The following GRB10 variants were observed in gnomAD, a reference collection of about 807,000 sequenced individuals.
GRB10 encodes the protein growth factor receptor-bound protein 10.
A neutral mutation model predicts 80.9 loss-of-function variants in GRB10; 20 were observed. The observed-to-expected ratio is 0.25, with a 90% CI of 0.17 to 0.36. The LOEUF (loss-of-function observed/expected upper bound fraction) is 0.36. Ranked by LOEUF, GRB10 falls within the 10% of genes least tolerant of loss-of-function variation. The probability of loss-of-function intolerance (pLI) is 1.00; values close to 1 mark genes in which losing one functional copy is unlikely to be tolerated. For missense variants in GRB10, 548 were observed against 747.7 expected (o/e 0.73, Z 3.12); for synonymous variants, 291 against 291.5 (o/e 1.00, Z 0.02).
At position 50,615,455 on chromosome 7, in the gene GRB10, C is replaced by T. The variant is rs559554992; in HGVS notation, c.985-575G>A. On this transcript the variant is annotated intron_variant, in intron 11 of 18. Coordinates refer to ENST00000401949, the MANE Select transcript of GRB10 (RefSeq NM_001350814.2). ...TCAGTTCAAAGCCCCTCTCTGCAGA[C>T]GCCCCTTCTCTCTGGCCCAGGTGTC... 1.4e-4 allele frequency among the ~76,000 whole-genome samples: 22 copies of T among 152,342 alleles called. No individual in the cohort carries two copies. The South Asian group carries it at 3.1e-3, about 22-fold the overall frequency.
intron 4 of GRB10, among the ~76,000 whole-genome samples, chr7:50,731,335 AT>A (rs2069687397): frequency 6.6e-6 from 1 of 151,988 alleles, no homozygotes; most frequent in Admixed American, 6.6e-5. Context: ...GTTCAAAGGC[AT>A]CTTTTTGCAG....
chr7:50,673,805 C>G (rs2237472), intron 6 of GRB10, among the ~76,000 whole-genome samples: 4 of 152,026 alleles, frequency 2.6e-5, no homozygotes, highest in Admixed American at 2.0e-4. Flanking sequence ...GCTTCAGCAC[C>G]GGCCCCCATC....
intron 8 of GRB10, among the ~76,000 whole-genome samples, chr7:50,621,284 G>C (rs1585816517): frequency 6.6e-6 from 1 of 152,380 alleles, no homozygotes; most frequent in South Asian, 2.1e-4. Flanking sequence ...GGACAGGTGA[G>C]GGCTTGGTGC....
intron 7 of GRB10, among the ~76,000 whole-genome samples, chr7:50,627,720 G>A (rs2053199655): frequency 6.6e-6 from 1 of 152,218 alleles, no homozygotes; most frequent in South Asian, 2.1e-4. Flanking sequence ...CTGCAGCAAT[G>A]CACCCTTCCC....
chr7:50,761,056 A>AT (rs2075710077), intron 2 of GRB10, among the ~76,000 whole-genome samples: 1 of 152,256 alleles, frequency 6.6e-6, no homozygotes, highest in African/African-American at 2.4e-5. Flanking sequence ...GTGGGTTTTA[A>AT]TTAAGAACAA....
chr7:50,791,161 G>C (rs2078898743), intron 1 of GRB10, among the ~76,000 whole-genome samples: 1 of 152,176 alleles, frequency 6.6e-6, no homozygotes, highest in South Asian at 2.1e-4. Flanking sequence ...GACTTTAGGG[G>C]TACACAACTT....
chr7:50,783,311 A>C (rs2078500032), upstream of GRB10, among the ~76,000 whole-genome samples: 1 of 152,186 alleles, frequency 6.6e-6, no homozygotes, highest in African/African-American at 2.4e-5. Flanking sequence ...AACGTTACTG[A>C]ACAACGAGGA....
At chr7:50,594,118 TC>T (rs2153559315) in intron 18 of GRB10, among the ~76,000 whole-genome samples, 1 of 152,316 alleles carries the variant, frequency 6.6e-6, no homozygotes, top group South Asian at 2.1e-4. Context: ...TGCAGCACTT[TC>T]CCTAGGACAG....
intron 6 of GRB10, among the ~76,000 whole-genome samples, chr7:50,672,478 T>A (rs1448920507): frequency 6.6e-6 from 1 of 152,176 alleles, no homozygotes; most frequent in South Asian, 2.1e-4. Context: ...CATTTTTTTT[T>A]AATCCACCTG....
At chr7:50,675,331 TGA>T (rs745398464) in intron 5 of GRB10, among the ~76,000 whole-genome samples, 21 of 151,906 alleles carry the variant, frequency 1.4e-4, no homozygotes, top group Non-Finnish European at 2.4e-4. Flanking sequence ...AGAGAGTAAG[TGA>T]GAGAGAGAGC....
intron 3 of GRB10, among the ~76,000 whole-genome samples, chr7:50,754,122 C>T (rs2074641480): frequency 6.6e-6 from 1 of 152,198 alleles, no homozygotes; most frequent in African/African-American, 2.4e-5. Flanking sequence ...TTCAGCTTCG[C>T]AGGGCTGCCT....
intron 18 of GRB10, among the ~76,000 whole-genome samples, 200 bp from the exon 19 acceptor site, chr7:50,593,298 G>T (rs923435335): frequency 1.3e-5 from 2 of 152,166 alleles, no homozygotes; most frequent in African/African-American, 2.4e-5. Context: ...CCCTGAGCGA[G>T]GGACAGACTT....
chr7:50,670,988 T>C (rs1026326022), intron 6 of GRB10, among the ~76,000 whole-genome samples: 5 of 152,142 alleles, frequency 3.3e-5, no homozygotes, highest in African/African-American at 9.7e-5. Context: ...GTCACACAAC[T>C]ATGCAACACA....
rs187521272 is a variant in GRB10, at chr7:50,740,494, C to T, written c.-46-8126G>A. 5.9e-5 allele frequency among the ~76,000 whole-genome samples: 9 copies of T among 152,260 alleles called. No individual in the cohort carries two copies. The East Asian group carries it at 7.7e-4, about 13-fold the overall frequency. ...TTCAAAATTTAAAATTTTAGAAAGA[C>T]GTTTTGAGTCTTAAATCATCATAGA... is the stretch of plus-strand genomic sequence containing the variant. On this transcript the variant is annotated intron_variant, in intron 3 of 18. Coordinates refer to ENST00000401949, the MANE Select transcript of GRB10 (RefSeq NM_001350814.2).
rs542552220 is a variant in GRB10 at position 50,710,316 on chromosome 7, G to A, written c.52-6408C>T. 8.5e-5 allele frequency among the ~76,000 whole-genome samples: 13 copies of A among 152,200 alleles called. No individual in the cohort carries two copies. The East Asian group carries it at 2.5e-3, about 29-fold the overall frequency. Reference sequence around the variant, plus strand: ...TCTGTGAGGATAGAGGGACAAGAATGCTCCACCACCCACCTTTCAAAGCCC... The same window carrying A: ...TCTGTGAGGATAGAGGGACAAGAATACTCCACCACCCACCTTTCAAAGCCC... On this transcript the variant is annotated intron_variant, in intron 4 of 18. Transcript: ENST00000401949.
At chr7:50,681,604 T>C (rs1486536316) in intron 5 of GRB10, among the ~76,000 whole-genome samples, 3 of 152,252 alleles carry the variant, frequency 2.0e-5, no homozygotes, top group South Asian at 2.1e-4. Flanking sequence ...AATGATTCTG[T>C]TGCCAGAATA....
At chr7:50,678,469 T>A (rs1382348298) in intron 5 of GRB10, among the ~76,000 whole-genome samples, 2 of 152,202 alleles carry the variant, frequency 1.3e-5, no homozygotes, top group African/African-American at 4.8e-5. Context: ...TTTAGAAATT[T>A]TAAATGCCAT....
At chr7:50,599,898 A>G (rs2047308830) in intron 17 of GRB10, among the ~76,000 whole-genome samples, 1 of 152,332 alleles carries the variant, frequency 6.6e-6, no homozygotes, top group Admixed American at 6.5e-5. Flanking sequence ...GCCTTATCCC[A>G]GAATCACTCA....
At chr7:50,731,243 C>T (rs887172332) in intron 4 of GRB10, among the ~76,000 whole-genome samples, 7 of 150,876 alleles carry the variant, frequency 4.6e-5, no homozygotes, top group African/African-American at 1.2e-4. Flanking sequence ...TCACATTCGA[C>T]GATTAGAATG....
Sources: allele counts gnomAD v4.1 joint callset (sites outside exome capture counted in the v4.1 genomes callset), GRCh38; gene constraint gnomAD v4.1.1; transcripts MANE v1.5; gene names NCBI Gene and HGNC (gene_info 2026-07-23, HGNC 2026-07-21).